KCNQ5: variants seen among roughly 807,000 people sequenced by gnomAD.
The protein encoded by KCNQ5 is potassium voltage-gated channel subfamily Q member 5.
Under a neutral mutation model 98.2 loss-of-function variants are expected in KCNQ5, and 30 were observed. The observed-to-expected ratio is 0.31, with a 90% CI of 0.23 to 0.41. The LOEUF (loss-of-function observed/expected upper bound fraction) is 0.41, where lower values mean the gene tolerates loss of function less well. Ranked by LOEUF, KCNQ5 falls within the 10% of genes least tolerant of loss-of-function variation. The pLI is 1.00. For synonymous variants in KCNQ5, 458 were observed against 449.4 expected (o/e 1.02, Z -0.24); for missense variants, 835 against 1,182.5 (o/e 0.71, Z 4.31).
chr6:72,797,070 A>C (rs1375297696), intron 1 of KCNQ5, among the ~76,000 whole-genome samples: 1 of 152,218 alleles, frequency 6.6e-6, no homozygotes, highest in African/African-American at 2.4e-5. Context: ...AATTACTATG[A>C]CAAGTATCAG....
intron 10 of KCNQ5, among the ~76,000 whole-genome samples, chr6:73,168,153 A>C (rs533762611): frequency 5.9e-4 from 90 of 152,188 alleles, no homozygotes; most frequent in Non-Finnish European, 6.6e-4. Flanking sequence ...TACAGCACAA[A>C]AGTAAACTGC....
At chr6:72,741,432 A>G (rs1007644494) in intron 1 of KCNQ5, among the ~76,000 whole-genome samples, 2 of 152,166 alleles carry the variant, frequency 1.3e-5, no homozygotes, top group African/African-American at 4.8e-5. Flanking sequence ...AGGGGTCCCA[A>G]TGTCTCGTAG....
chr6:72,729,305 T>C (rs1452989587), intron 1 of KCNQ5, among the ~76,000 whole-genome samples: 1 of 152,170 alleles, frequency 6.6e-6, no homozygotes, highest in Non-Finnish European at 1.5e-5. Flanking sequence ...TAGGAGGTTT[T>C]GTTTTGTTTT....
chr6:72,697,952 A>G (rs1211221824), intron 1 of KCNQ5, among the ~76,000 whole-genome samples: 1 of 152,194 alleles, frequency 6.6e-6, no homozygotes, highest in African/African-American at 2.4e-5. Flanking sequence ...ACGGTGGCTC[A>G]TGCCTGTAAT....
At chr6:73,166,532 A>G (rs1312690096) in intron 10 of KCNQ5, among the ~76,000 whole-genome samples, 1 of 71,092 alleles carries the variant, frequency 1.4e-5, no homozygotes, top group African/African-American at 1.0e-4. Flanking sequence ...AAAAACTCTT[A>G]TTACTATCAT....
intron 1 of KCNQ5, among the ~76,000 whole-genome samples, chr6:72,802,348 A>G (rs1348581403): frequency 9.2e-5 from 14 of 151,812 alleles, no homozygotes; most frequent in Admixed American, 8.5e-4. Flanking sequence ...TTTTCTCTAA[A>G]CTTCCCTTCT....
intron 1 of KCNQ5, among the ~76,000 whole-genome samples, chr6:72,698,068 A>C (rs1480711349): frequency 6.6e-6 from 1 of 152,164 alleles, no homozygotes; most frequent in Admixed American, 6.5e-5. Flanking sequence ...TAAACAAATA[A>C]ATAATAAAAG....
At chr6:72,709,522 T>C (rs1769254555) in intron 1 of KCNQ5, among the ~76,000 whole-genome samples, 1 of 152,230 alleles carries the variant, frequency 6.6e-6, no homozygotes, top group African/African-American at 2.4e-5. Flanking sequence ...ACTGAGGGTA[T>C]ACCCCTGCTA....
chr6:72,850,096 G>T (rs1051981982), intron 1 of KCNQ5, among the ~76,000 whole-genome samples: 1 of 152,022 alleles, frequency 6.6e-6, no homozygotes, highest in African/African-American at 2.4e-5. Context: ...TATAATATTA[G>T]GGTCTTCTTT....
chr6:72,833,937 C>T (rs1776395544), intron 1 of KCNQ5, among the ~76,000 whole-genome samples: 1 of 151,570 alleles, frequency 6.6e-6, no homozygotes, highest in Non-Finnish European at 1.5e-5. Context: ...AAGCAATATA[C>T]AAAAGAATAC....
intron 1 of KCNQ5, among the ~76,000 whole-genome samples, chr6:72,938,395 C>G (rs569637346): frequency 6.6e-6 from 1 of 151,952 alleles, no homozygotes. Context: ...ATTTATTTTT[C>G]TTGAGATGGA....
At chr6:73,014,566 T>C (rs1023901619) in intron 2 of KCNQ5, among the ~76,000 whole-genome samples, 2 of 152,098 alleles carry the variant, frequency 1.3e-5, no homozygotes, top group Admixed American at 1.3e-4. Flanking sequence ...ATGCATATTT[T>C]CTCCTTATGC....
At chr6:72,815,027 G>C (rs572443904) in intron 1 of KCNQ5, among the ~76,000 whole-genome samples, 2 of 152,190 alleles carry the variant, frequency 1.3e-5, no homozygotes, top group Admixed American at 1.3e-4. Context: ...TAAGGGAGTG[G>C]AGAAGTGGAC....
rs562804592 is a variant in KCNQ5, at chr6:72,700,852, C to T, written c.398+78265C>T. 2.1e-4 allele frequency among the ~76,000 whole-genome samples: 32 copies of T among 152,312 alleles called. No individual in the cohort carries two copies. In the East Asian group the frequency reaches 6.0e-3, roughly 28 times the overall value. ...CCAGAATGGCTGAGCAAACCCATCC[C>T]TCAGCTAAGCCTCTGTGGAGGTTTT... is the stretch of plus-strand genomic sequence containing the variant. On this transcript the variant is annotated intron_variant, in intron 1 of 13. Coordinates refer to ENST00000370398, the MANE Select transcript of KCNQ5 (RefSeq NM_019842.4).
chr6:73,079,959 C>T (rs1017770933), intron 5 of KCNQ5, among the ~76,000 whole-genome samples: 1 of 152,244 alleles, frequency 6.6e-6, no homozygotes, highest in African/African-American at 2.4e-5. Flanking sequence ...ATGTATTTGA[C>T]TTACTGAGGC....
In KCNQ5 at chr6:73,162,110, A is replaced by G. The variant is rs1423366607; in HGVS notation, c.1469-7636A>G. The stretch of plus-strand genomic sequence containing the variant: ...TTTTTTTTTTTTTTGTATTTTTAGT[A>G]GAGGTGGGTTTTCACCATGTTGGCC... On this transcript the variant is annotated intron_variant, in intron 10 of 13. Coordinates refer to ENST00000370398, the MANE Select transcript of KCNQ5 (RefSeq NM_019842.4). 4.7e-5 allele frequency among the ~76,000 whole-genome samples: 7 copies of G among 148,680 alleles called. No individual in the cohort carries two copies. In the East Asian group the frequency reaches 1.4e-3, roughly 29 times the overall value.
At chr6:72,626,041 A>G (rs1341407730) in intron 1 of KCNQ5, among the ~76,000 whole-genome samples, 1 of 152,184 alleles carries the variant, frequency 6.6e-6, no homozygotes, top group Non-Finnish European at 1.5e-5. Context: ...TCATCTATGT[A>G]TCCATCTACA....
At chr6:72,807,960 A>C (rs1775036644) in intron 1 of KCNQ5, among the ~76,000 whole-genome samples, 1 of 152,182 alleles carries the variant, frequency 6.6e-6, no homozygotes, top group South Asian at 2.1e-4. Context: ...TGTTATAGAA[A>C]GGGAAGTGAG....
intron 6 of KCNQ5, among the ~76,000 whole-genome samples, chr6:73,107,013 C>G (rs532208317): frequency 6.6e-6 from 1 of 152,204 alleles, no homozygotes; most frequent in African/African-American, 2.4e-5. Context: ...CTTCATCTGG[C>G]AATCTCAACA....
Sources: allele counts gnomAD v4.1 joint callset (sites outside exome capture counted in the v4.1 genomes callset), GRCh38; gene constraint gnomAD v4.1.1; transcripts MANE v1.5; gene names NCBI Gene and HGNC (gene_info 2026-07-23, HGNC 2026-07-21).